AGBL4: variants seen among roughly 807,000 people sequenced by gnomAD.
AGBL4 encodes the protein AGBL carboxypeptidase 4.
A neutral mutation model predicts 66.4 loss-of-function variants in AGBL4; 58 were observed. That is an observed-to-expected ratio of 0.87 (90% CI 0.71 to 1.09). The LOEUF (loss-of-function observed/expected upper bound fraction) is 1.09, where lower values mean the gene tolerates loss of function less well. Ranked by LOEUF, AGBL4 falls within the 50% of genes least tolerant of loss-of-function variation. The probability of loss-of-function intolerance (pLI) is 0.00; values close to 1 mark genes in which losing one functional copy is unlikely to be tolerated. For missense variants in AGBL4, 579 were observed against 631.0 expected, an observed-to-expected ratio of 0.92 and a Z score of 0.88; for synonymous variants, 234 against 222.9, an observed-to-expected ratio of 1.05 and a Z score of -0.44.
intron 4 of AGBL4, among the ~76,000 whole-genome samples, chr1:49,127,434 A>G (rs1434984315): frequency 1.3e-5 from 2 of 152,144 alleles, no homozygotes; most frequent in African/African-American, 4.8e-5. Flanking sequence ...AAACGTATGA[A>G]AATTTAAAAG....
intron 3 of AGBL4, among the ~76,000 whole-genome samples, chr1:49,529,737 G>T (rs1480496635): frequency 1.3e-5 from 2 of 152,038 alleles, no homozygotes; most frequent in Non-Finnish European, 2.9e-5. Context: ...AGACAGTTTA[G>T]TTTGAGGTGT....
chr1:49,151,019 A>G (rs1646318105), intron 4 of AGBL4, among the ~76,000 whole-genome samples: 1 of 152,152 alleles, frequency 6.6e-6, no homozygotes, highest in Non-Finnish European at 1.5e-5. Context: ...CTGTAATCCC[A>G]GCACTTTGGG....
intron 5 of AGBL4, among the ~76,000 whole-genome samples, chr1:48,968,256 G>C (rs1206487687): frequency 6.6e-6 from 1 of 152,122 alleles, no homozygotes; most frequent in Non-Finnish European, 1.5e-5. Context: ...TAAACAAAGA[G>C]AGCAACTTAG....
intron 6 of AGBL4, among the ~76,000 whole-genome samples, chr1:48,712,345 C>A (rs1646981167): frequency 6.6e-6 from 1 of 152,154 alleles, no homozygotes; most frequent in Non-Finnish European, 1.5e-5. Flanking sequence ...GGACCTGGCC[C>A]TTTTCTAACC....
chr1:49,680,545 G>A (rs1419121978), intron 3 of AGBL4, among the ~76,000 whole-genome samples: 1 of 151,986 alleles, frequency 6.6e-6, no homozygotes, highest in Non-Finnish European at 1.5e-5. Context: ...AAATGTTACA[G>A]CACTTTATTG....
At chr1:49,491,373 A>T (rs530250601) in intron 3 of AGBL4, among the ~76,000 whole-genome samples, 2 of 151,936 alleles carry the variant, frequency 1.3e-5, no homozygotes, top group Non-Finnish European at 2.9e-5. Context: ...AAGGGAGAGT[A>T]CTAGGGAGAA....
At chr1:49,265,857 A>G (rs187241450) in intron 3 of AGBL4, among the ~76,000 whole-genome samples, 1 of 152,306 alleles carries the variant, frequency 6.6e-6, no homozygotes, top group East Asian at 1.9e-4. Context: ...ATGTATACAT[A>G]TATGTGCATG....
chr1:49,533,907 A>T (rs887129962), intron 3 of AGBL4, among the ~76,000 whole-genome samples: 7 of 152,112 alleles, frequency 4.6e-5, no homozygotes, highest in Non-Finnish European at 1.0e-4. Context: ...TGCAAGTGTG[A>T]GTCACGCTGC....
At chr1:49,407,065 CAAAAAAAAAAAAA>C (rs57974289) in intron 3 of AGBL4, among the ~76,000 whole-genome samples, 5 of 25,928 alleles carry the variant, frequency 1.9e-4, no homozygotes, top group African/African-American at 2.4e-4. Context: ...ACTCTGCCTC[CAAAAAAAAAAAAA>C]AAAAAAAAAA....
chr1:50,008,318 C>G (rs922240286), intron 1 of AGBL4, among the ~76,000 whole-genome samples: 5 of 152,088 alleles, frequency 3.3e-5, no homozygotes, highest in African/African-American at 1.2e-4. Flanking sequence ...TATCAAGTAT[C>G]TTCTCTGAAC....
chr1:49,126,452 T>G (rs1645765809), intron 4 of AGBL4, among the ~76,000 whole-genome samples: 1 of 151,940 alleles, frequency 6.6e-6, no homozygotes, highest in Non-Finnish European at 1.5e-5. Context: ...GGAAACTGAG[T>G]GATAGAGACA....
intron 3 of AGBL4, among the ~76,000 whole-genome samples, chr1:49,266,989 T>C (rs1287173287): frequency 6.6e-6 from 1 of 152,176 alleles, no homozygotes; most frequent in Non-Finnish European, 1.5e-5. Context: ...GCTGAATAAG[T>C]AAATGCTCTA....
intron 1 of AGBL4, among the ~76,000 whole-genome samples, chr1:49,981,255 A>C (rs1659032884): frequency 6.6e-6 from 1 of 152,202 alleles, no homozygotes; most frequent in Non-Finnish European, 1.5e-5. Flanking sequence ...GAAGAAAGCA[A>C]ACCTGGAAAA....
chr1:49,742,652 T>C (rs1277615142), intron 2 of AGBL4, among the ~76,000 whole-genome samples: 3 of 152,136 alleles, frequency 2.0e-5, no homozygotes, highest in South Asian at 4.1e-4. Flanking sequence ...CTTCAAACTA[T>C]ACTACAAGGC....
chr1:48,805,404 T>C (rs1398344581), intron 6 of AGBL4, among the ~76,000 whole-genome samples: 2 of 152,154 alleles, frequency 1.3e-5, no homozygotes, highest in Non-Finnish European at 2.9e-5. Context: ...GCATGCAAGG[T>C]AGAATAGCTG....
At chr1:49,591,756 C>G (rs963622219) in intron 3 of AGBL4, among the ~76,000 whole-genome samples, 5 of 152,004 alleles carry the variant, frequency 3.3e-5, no homozygotes, top group Non-Finnish European at 7.4e-5. Flanking sequence ...ACCAATGGAA[C>G]AAAATAAGGA....
intron 6 of AGBL4, among the ~76,000 whole-genome samples, chr1:48,827,072 CTA>C (rs1646442256): frequency 2.0e-5 from 3 of 152,282 alleles, no homozygotes; most frequent in Admixed American, 6.5e-5. Flanking sequence ...TGGACAAATG[CTA>C]TGTTTTCTTT....
At chr1:48,628,774 A>G (rs144823978) in intron 9 of AGBL4, among the ~76,000 whole-genome samples, 3 of 151,656 alleles carry the variant, frequency 2.0e-5, no homozygotes, top group Non-Finnish European at 2.9e-5. Context: ...ACCAATCTCC[A>G]AAGGACCAGT....
intron 3 of AGBL4, among the ~76,000 whole-genome samples, chr1:49,267,115 T>TCCAAG: frequency 6.6e-6 from 1 of 152,338 alleles, no homozygotes; most frequent in African/African-American, 2.4e-5. Context: ...GAGCTTTGGG[T>TCCAAG]ATAGTGCACA....
Sources: allele counts gnomAD v4.1 joint callset (sites outside exome capture counted in the v4.1 genomes callset), GRCh38; gene constraint gnomAD v4.1.1; transcripts MANE v1.5; gene names NCBI Gene and HGNC (gene_info 2026-07-23, HGNC 2026-07-21).